Variants in CCDC171 observed in about 807,000 individuals in gnomAD.
CCDC171 encodes the protein coiled-coil domain containing 171.
In CCDC171, 177 loss-of-function variants were observed where a neutral mutation model predicts 168.2. The observed-to-expected ratio is 1.05, with a 90% CI of 0.93 to 1.19. The LOEUF (loss-of-function observed/expected upper bound fraction) is 1.19. Among genes scored for constraint, CCDC171 ranks in the 50% most tolerant of loss-of-function variants. CCDC171 has a pLI of 0.00. For synonymous variants in CCDC171, 687 were observed against 540.8 expected, an observed-to-expected ratio of 1.27 and a Z score of -3.75; for missense variants, 1,991 against 1,539.0, an observed-to-expected ratio of 1.29 and a Z score of -4.91.
chr9:16,011,186 A>G (rs1304319290), intron 3 of CCDC171, among the ~76,000 whole-genome samples: 6 of 152,036 alleles, frequency 3.9e-5, no homozygotes, highest in Non-Finnish European at 8.8e-5. Flanking sequence ...TGGACTATGT[A>G]GTGGCTATGA....
the CCDC171 span, among the ~76,000 whole-genome samples, chr9:16,077,849 G>A: frequency 3.3e-5 from 5 of 152,196 alleles, no homozygotes; most frequent in South Asian, 2.1e-4. Context: ...AGAGGTTGAT[G>A]CCTAAGAAGT....
the CCDC171 span, among the ~76,000 whole-genome samples, chr9:16,086,634 T>A: frequency 6.6e-6 from 1 of 152,158 alleles, no homozygotes; most frequent in Non-Finnish European, 1.5e-5. Context: ...TAGCAGTCTG[T>A]CTATTTTGTT....
Position 15,817,585 on chromosome 9 carries a change from C to T in CCDC171, c.3268-29117C>T, listed in dbSNP as rs1420801179. The stretch of plus-strand genomic sequence containing the variant: ...CTTGGAGGGTCCTACGCCCACGGAG[C>T]CTCGCTCATTGCTAGCACAGCAGTC... On this transcript the variant is annotated intron_variant, in intron 21 of 25. Coordinates refer to ENST00000380701, the MANE Select transcript of CCDC171 (RefSeq NM_173550.4). Among the ~76,000 whole-genome samples the T allele has an allele frequency of 1.7e-5, 2 of 118,304 alleles. 1 individual carries two copies. Among genetic ancestry groups the T allele is most frequent in the Non-Finnish European group, 3.8e-5 (2 of 52,440 alleles). The allele number at this position is 118,304 out of a possible 152,430, so 77.6% of individuals were successfully genotyped here.
At chr9:15,628,388 G>T (rs1587546912) in intron 7 of CCDC171, among the ~76,000 whole-genome samples, 1 of 152,184 alleles carries the variant, frequency 6.6e-6, no homozygotes, top group Non-Finnish European at 1.5e-5. Flanking sequence ...CCCGCATCTG[G>T]CTCAGAGGGT....
At chr9:15,589,802 T>A (rs1292059596) in intron 4 of CCDC171, among the ~76,000 whole-genome samples, 2 of 151,848 alleles carry the variant, frequency 1.3e-5, no homozygotes, top group African/African-American at 4.8e-5. Context: ...GAAATTAGAA[T>A]TAAAAAGACA....
chr9:15,555,547 G>C (rs775799359), intron 1 of CCDC171, among the ~76,000 whole-genome samples: 10 of 152,124 alleles, frequency 6.6e-5, no homozygotes, highest in Non-Finnish European at 1.0e-4. Context: ...TCCCTGACTG[G>C]GATGAACTGT....
chr9:16,076,708 C>T, the CCDC171 span, among the ~76,000 whole-genome samples: 1 of 152,210 alleles, frequency 6.6e-6, no homozygotes, highest in Admixed American at 6.5e-5. Flanking sequence ...CCTCAGGCCC[C>T]AGCCAGCAGG....
chr9:15,787,097 TTTTTTC>T (rs1259349079), intron 21 of CCDC171, among the ~76,000 whole-genome samples: 1 of 152,142 alleles, frequency 6.6e-6, no homozygotes, highest in East Asian at 1.9e-4. Flanking sequence ...TGGATGTATA[TTTTTTC>T]TTTTTCTTTT....
At chr9:15,828,577 T>C (rs2136206629) in intron 21 of CCDC171, among the ~76,000 whole-genome samples, 1 of 152,344 alleles carries the variant, frequency 6.6e-6, no homozygotes, top group South Asian at 2.1e-4. Context: ...ACATTTCATC[T>C]TGTACTGGAA....
chr9:15,723,349 C>T (rs116512914), intron 12 of CCDC171, among the ~76,000 whole-genome samples: 1 of 152,024 alleles, frequency 6.6e-6, no homozygotes, highest in Non-Finnish European at 1.5e-5. Context: ...CATTTTGGTC[C>T]AGTAGGATTT....
intron 24 of CCDC171, among the ~76,000 whole-genome samples, chr9:15,904,250 G>GA (rs1487370946): frequency 6.6e-6 from 1 of 152,114 alleles, no homozygotes; most frequent in Non-Finnish European, 1.5e-5. Context: ...TGAAATGAAG[G>GA]AAAAAATGTT....
At chr9:15,678,048 T>C (rs1240897112) in intron 9 of CCDC171, among the ~76,000 whole-genome samples, 2 of 150,010 alleles carry the variant, frequency 1.3e-5, no homozygotes, top group Non-Finnish European at 1.5e-5. Flanking sequence ...TATCTGGGAC[T>C]ACAGACACAC....
chr9:16,076,595 T>C, the CCDC171 span, among the ~76,000 whole-genome samples: 1 of 152,192 alleles, frequency 6.6e-6, no homozygotes, highest in Admixed American at 6.6e-5. Flanking sequence ...TTCAGCTCTC[T>C]CCGCCCCACT....
intron 25 of CCDC171, among the ~76,000 whole-genome samples, chr9:15,926,232 G>T (rs929757898): frequency 2.6e-5 from 4 of 151,450 alleles, no homozygotes; most frequent in Non-Finnish European, 5.9e-5. Context: ...TGTTGACTTG[G>T]GTCTTATGGA....
At chr9:15,798,313 C>G (rs1157811069) in intron 21 of CCDC171, among the ~76,000 whole-genome samples, 1 of 151,992 alleles carries the variant, frequency 6.6e-6, no homozygotes, top group East Asian at 1.9e-4. Flanking sequence ...TCTCTTTTCT[C>G]TAGTTAGGAG....
intron 23 of CCDC171, among the ~76,000 whole-genome samples, chr9:15,849,559 A>G (rs772183864): frequency 6.6e-6 from 1 of 151,706 alleles, no homozygotes; most frequent in African/African-American, 2.4e-5. Context: ...AAAACATAAT[A>G]TATTTATTGA....
intron 6 of CCDC171, among the ~76,000 whole-genome samples, chr9:15,600,264 G>A (rs1203400252): frequency 6.6e-6 from 1 of 152,110 alleles, no homozygotes; most frequent in Non-Finnish European, 1.5e-5. Context: ...CATCTTTGTG[G>A]TTTTATCTAC....
upstream of CCDC171, among the ~76,000 whole-genome samples, chr9:16,038,383 A>G (rs1833511176): frequency 1.3e-5 from 2 of 152,160 alleles, no homozygotes; most frequent in African/African-American, 4.8e-5. Flanking sequence ...TTTTAAGGGT[A>G]TAAAAGTGAA....
intron 3 of CCDC171, among the ~76,000 whole-genome samples, chr9:16,006,190 A>G (rs192514057): frequency 6.6e-6 from 1 of 152,246 alleles, no homozygotes; most frequent in Non-Finnish European, 1.5e-5. Flanking sequence ...TTGCAAAAGT[A>G]ACTCCACCAT....
Sources: allele counts gnomAD v4.1 joint callset (sites outside exome capture counted in the v4.1 genomes callset), GRCh38; gene constraint gnomAD v4.1.1; transcripts MANE v1.5; gene names NCBI Gene and HGNC (gene_info 2026-07-23, HGNC 2026-07-21).